The following MARF1 variants were observed in gnomAD, a reference collection of about 807,000 sequenced individuals.
MARF1 encodes limkain-b1.
A neutral mutation model predicts 168.2 loss-of-function variants in MARF1; 24 were observed. The observed-to-expected ratio is 0.14, with a 90% confidence interval of 0.10 to 0.20. The LOEUF (loss-of-function observed/expected upper bound fraction) is 0.20. Among genes scored for constraint, MARF1 ranks in the 10% least tolerant of loss-of-function variants. MARF1 has a pLI of 1.00. For missense variants in MARF1, 1,744 were observed against 2,143.6 expected, an observed-to-expected ratio of 0.81 and a Z score of 3.68; for synonymous variants, 868 against 822.4, an observed-to-expected ratio of 1.06 and a Z score of -0.95.
At position 15,630,395 on chromosome 16, in the gene MARF1, GT is replaced by G; in HGVS notation, c.1460del (p.Asn487ThrfsTer3). 1 of 1,613,916 alleles carries G rather than the reference GT, an allele frequency of 6.2e-7. No homozygotes were observed. Among genetic ancestry groups the G allele is most frequent in the Non-Finnish European group, 8.5e-7 (1 of 1,179,870 alleles). ...QASEALLHHANELIRFEEFIS... is the reference protein window; with the variant it reads ...QASEALLHHAXELIRFEEFIS... ...TGAACTCTTCAAATCTGATCAGCTC[GT>G]TAGCATGATGCAGCAGTGCTTCTGA... On this transcript the variant is annotated frameshift_variant, in exon 7 of 27. Transcript: ENST00000396368. LOFTEE classifies it high-confidence loss of function.
intron 12 of MARF1, 127 bp downstream of exon 12, chr16:15,621,606 T>C (rs1295783607): frequency 1.1e-6 from 1 of 886,046 alleles, no homozygotes; most frequent in East Asian, 2.6e-5. Flanking sequence ...CAATCTAGAA[T>C]AAGCATTATT....
intron 10 of MARF1, among the ~76,000 whole-genome samples, chr16:15,624,002 C>T (rs141206444): frequency 1.3e-5 from 2 of 151,518 alleles, no homozygotes; most frequent in African/African-American, 4.9e-5. Flanking sequence ...ACCTCCACCT[C>T]CCAGGTTCAT....
chr16:15,614,027 C>G (rs569697528), intron 16 of MARF1, among the ~76,000 whole-genome samples: 1 of 152,198 alleles, frequency 6.6e-6, no homozygotes, highest in East Asian at 1.9e-4. Flanking sequence ...AGGACATGCC[C>G]GTAACTCAGA....
intron 23 of MARF1, chr16:15,601,111 T>C: frequency 2.1e-6 from 1 of 466,320 alleles, no homozygotes; most frequent in South Asian, 1.5e-5. Flanking sequence ...ATCAGCATCT[T>C]AAAGTCCTCT....
chr16:15,604,835 G>A (rs960833062), intron 21 of MARF1, among the ~76,000 whole-genome samples: 3 of 152,198 alleles, frequency 2.0e-5, no homozygotes, highest in African/African-American at 7.2e-5. Flanking sequence ...GTGCAGACCC[G>A]ACTTGCCCAT....
chr16:15,619,269 C>A (rs1183610556), intron 13 of MARF1, among the ~76,000 whole-genome samples: 1 of 152,152 alleles, frequency 6.6e-6, no homozygotes, highest in Non-Finnish European at 1.5e-5. Context: ...AGAGTGAGAC[C>A]CTGGCTCAAT....
intron 16 of MARF1, among the ~76,000 whole-genome samples, chr16:15,613,036 T>C (rs573883421): frequency 5.3e-5 from 8 of 152,292 alleles, no homozygotes; most frequent in East Asian, 1.9e-4. Context: ...GAGTCTACTA[T>C]AGTGTTATTT....
intron 23 of MARF1, 121 bp downstream of exon 23, chr16:15,601,870 A>AAC: frequency 1.2e-6 from 1 of 807,576 alleles, no homozygotes; most frequent in Non-Finnish European, 2.1e-6. Flanking sequence ...TATGTTTTGA[A>AAC]AGGATCAATT....
At chr16:15,634,641 C>T in intron 4 of MARF1, 116 bp downstream of exon 4, 1 of 977,336 alleles carries the variant, frequency 1.0e-6, no homozygotes, top group Non-Finnish European at 1.5e-6. Flanking sequence ...TGGAGACTCA[C>T]ATACACAGTA....
rs774371113 is a variant in MARF1 at position 15,636,304 on chromosome 16, T to C, written c.183A>G (p.Leu61=). The change falls in exon 3 of 27, where the codon CTA becomes CTG. Residue 61 remains leucine, a synonymous_variant. Coordinates refer to ENST00000396368, the MANE Select transcript of MARF1 (RefSeq NM_014647.4). ...CATGAAGGGGTGATGGTACATCCTT[T>C]AGTTCCACAGCAACTTTCTTGTTCT... ...YMENKKVAVE[L]KDVPSPLHAG... The C allele has an allele frequency of 9.5e-6, 15 of 1,580,810 alleles. No homozygotes were observed. The Admixed American group carries it at 2.2e-4, about 23-fold the overall frequency.
Position 15,639,194 on chromosome 16 carries a change from T to C in MARF1, c.40A>G (p.Thr14Ala), listed in dbSNP as rs746976980. The change falls in exon 2 of 27, where the codon ACA becomes GCA. Residue 14 changes from threonine (T) to alanine (A), a missense_variant. Physicochemically the swap from Thr to Ala is moderately conservative, Grantham distance 58. This residue lies in a region of MARF1 where 318 missense variants were observed against 336.6 expected (regional missense o/e 0.94). Coordinates refer to ENST00000396368, the MANE Select transcript of MARF1 (RefSeq NM_014647.4). ...GNGTENSCSR[T>A]RGWLQQDNDA... is the part of the protein sequence containing the mutation. ...TTATCTTGTTGAAGCCATCCACGTG[T>C]TCTACTGCAGGAGTTCTCAGTTCCG... 6.2e-7 allele frequency: 1 copy of C among 1,614,150 alleles called. No homozygotes were observed. The highest frequency in any genetic ancestry group is 8.5e-7 in the Non-Finnish European group (1 of 1,180,006).
At chr16:15,640,216 C>T (rs2035859111) in intron 1 of MARF1, among the ~76,000 whole-genome samples, 1 of 152,174 alleles carries the variant, frequency 6.6e-6, no homozygotes, top group South Asian at 2.1e-4. Flanking sequence ...TTGATCTGAG[C>T]ATGAAAAGTC....
chr16:15,621,642 G>A, intron 12 of MARF1, 91 bp downstream of exon 12: 2 of 1,199,596 alleles, frequency 1.7e-6, no homozygotes, highest in Non-Finnish European at 2.4e-6. Context: ...ACAAGGGGGT[G>A]GGAATGTGAT....
intron 5 of MARF1, among the ~76,000 whole-genome samples, chr16:15,633,175 CCACACA>C (rs140240605): frequency 6.6e-5 from 9 of 136,958 alleles, no homozygotes; most frequent in Admixed American, 1.5e-4. Context: ...AAAAAAAACA[CCACACA>C]CACACACACA....
rs1596423972 is a variant in MARF1, at chr16:15,599,219, C to T, written c.4814-195G>A. The T allele has an allele frequency of 9.1e-5, 55 of 607,568 alleles. No individual in the cohort carries two copies. The East Asian group carries it at 1.4e-3, about 16-fold the overall frequency. 37.6% of individuals were successfully genotyped at this position (607,568 alleles called of 1,614,324 possible). On this transcript the variant is annotated intron_variant, in intron 25 of 26. Coordinates refer to ENST00000396368, the MANE Select transcript of MARF1 (RefSeq NM_014647.4). ...TAACAGGAAGATCCTGGTAATGGAACGCCTTAATAAGCTAGTTCTTCTGAA... is the reference window on the plus strand; with the variant it reads ...TAACAGGAAGATCCTGGTAATGGAATGCCTTAATAAGCTAGTTCTTCTGAA...
chr16:15,612,145 C>G (rs1450017326), intron 17 of MARF1, among the ~76,000 whole-genome samples: 1 of 152,176 alleles, frequency 6.6e-6, no homozygotes, highest in African/African-American at 2.4e-5. Flanking sequence ...GGATCCAGTG[C>G]TACACTCTAG....
At chr16:15,638,519 G>A (rs2035743582) in intron 2 of MARF1, among the ~76,000 whole-genome samples, 1 of 152,052 alleles carries the variant, frequency 6.6e-6, no homozygotes, top group South Asian at 2.1e-4. Context: ...CTGGGAGGCA[G>A]AGGTTGCAAT....
chr16:15,602,538 A>G (rs971742854), intron 22 of MARF1: 1 of 511,594 alleles, frequency 2.0e-6, no homozygotes, highest in Non-Finnish European at 3.7e-6. Flanking sequence ...ACGATAAAGA[A>G]GACGAAGACG....
intron 23 of MARF1, 33 bp downstream of exon 23, chr16:15,601,958 G>C: frequency 1.9e-6 from 3 of 1,567,834 alleles, no homozygotes; most frequent in Non-Finnish European, 2.6e-6. Context: ...CTGTTCAGAA[G>C]ATGCTCTCCC....
Sources: gnomAD v4.1 joint callset for allele counts (sites outside exome capture counted in the v4.1 genomes callset) on GRCh38, gnomAD v4.1.1 for gene constraint, gnomAD v4.1.1 regional missense constraint, MANE v1.5 for transcripts, NCBI Gene and HGNC (gene_info 2026-07-23, HGNC 2026-07-21) for gene names.